GSE1: variants seen among roughly 807,000 people sequenced by gnomAD.
GSE1 encodes genetic suppressor element 1.
In GSE1, 32 loss-of-function variants were observed where a neutral mutation model predicts 112.6. That is an observed-to-expected ratio of 0.28 (90% confidence interval 0.21 to 0.38). GSE1 has a LOEUF of 0.38. Ranked by LOEUF, GSE1 falls within the 10% of genes least tolerant of loss-of-function variation. The pLI is 1.00. For missense variants in GSE1, 2,348 were observed against 1,699.2 expected (o/e 1.38, Z -6.71); for synonymous variants, 1,115 against 735.6 (o/e 1.52, Z -8.35).
intron 1 of GSE1, among the ~76,000 whole-genome samples, chr16:85,259,842 A>G (rs959675651): frequency 2.0e-5 from 3 of 152,154 alleles, no homozygotes; most frequent in Non-Finnish European, 4.4e-5. Context: ...CAGGGAGTCC[A>G]TGGGTGGCCT....
At chr16:85,604,493 G>A (rs569195833) in intron 1 of GSE1, among the ~76,000 whole-genome samples, 17 of 151,844 alleles carry the variant, frequency 1.1e-4, no homozygotes, top group South Asian at 2.1e-4. Flanking sequence ...GCGTGGACGC[G>A]AAGGTATGTT....
intron 2 of GSE1, among the ~76,000 whole-genome samples, chr16:85,547,154 G>A (rs1394432746): frequency 6.6e-6 from 1 of 152,228 alleles, no homozygotes; most frequent in Non-Finnish European, 1.5e-5. Context: ...CCCAAGGCAT[G>A]CGGCTTCCAG....
intron 6 of GSE1, 90 bp from the exon 7 acceptor site, chr16:85,656,253 C>T (rs573755444): frequency 1.5e-5 from 23 of 1,501,514 alleles, no homozygotes; most frequent in Middle Eastern, 1.8e-4. Flanking sequence ...CGCCCTGGCT[C>T]GTTCCTGGTT....
At chr16:85,200,468 A>T (rs1252232153) in intron 1 of GSE1, among the ~76,000 whole-genome samples, 1 of 151,946 alleles carries the variant, frequency 6.6e-6, no homozygotes, top group Non-Finnish European at 1.5e-5. Flanking sequence ...CCCCCACGTC[A>T]CACAGCTCTT....
chr16:85,446,233 G>T (rs529164047), intron 2 of GSE1, among the ~76,000 whole-genome samples: 50 of 152,204 alleles, frequency 3.3e-4, no homozygotes, highest in Non-Finnish European at 6.6e-4. Flanking sequence ...CAAGGCCTCT[G>T]CTGTGTCCTC....
At chr16:85,352,513 A>G (rs59113902) in intron 1 of GSE1, among the ~76,000 whole-genome samples, 4,874 of 152,198 alleles carry the variant, frequency 0.032, 231 homozygotes, top group African/African-American at 0.11. Flanking sequence ...GCCCAGGCAC[A>G]ATAGTACTTT....
At chr16:85,478,372 C>G (rs1392409933) in intron 2 of GSE1, among the ~76,000 whole-genome samples, 2 of 151,958 alleles carry the variant, frequency 1.3e-5, no homozygotes, top group Admixed American at 1.3e-4. Flanking sequence ...ACTAAAAATA[C>G]AAAAATTAGC....
intron 14 of GSE1, among the ~76,000 whole-genome samples, chr16:85,669,521 G>A (rs1294450689): frequency 1.3e-5 from 2 of 152,062 alleles, no homozygotes; most frequent in Non-Finnish European, 2.9e-5. Flanking sequence ...TCCTCCCGTG[G>A]AATCTTTGAG....
intron 1 of GSE1, among the ~76,000 whole-genome samples, chr16:85,571,320 C>T (rs1168033386): frequency 1.3e-5 from 2 of 152,224 alleles, no homozygotes; most frequent in Non-Finnish European, 2.9e-5. Context: ...AGATCCGTGG[C>T]TATCAGACCT....
At chr16:85,391,785 G>A (rs542003155) in intron 2 of GSE1, among the ~76,000 whole-genome samples, 2 of 152,162 alleles carry the variant, frequency 1.3e-5, no homozygotes, top group South Asian at 2.1e-4. Flanking sequence ...GTAGATGCTT[G>A]TGGGGCCTCA....
intron 11 of GSE1, 61 bp from the exon 12 acceptor site, chr16:85,664,954 T>C (rs1359750274): frequency 8.8e-7 from 1 of 1,131,100 alleles, no homozygotes; most frequent in Non-Finnish European, 1.3e-6. Context: ...AGAATCCCGC[T>C]GTCCTTCTCT....
intron 2 of GSE1, among the ~76,000 whole-genome samples, chr16:85,494,235 G>A (rs1457997328): frequency 6.6e-6 from 1 of 152,218 alleles, no homozygotes; most frequent in Admixed American, 6.5e-5. Flanking sequence ...AGGCTCTAGG[G>A]GAATAGTTTC....
At chr16:85,375,174 C>G (rs893451008) in intron 2 of GSE1, among the ~76,000 whole-genome samples, 1 of 152,128 alleles carries the variant, frequency 6.6e-6, no homozygotes, top group African/African-American at 2.4e-5. Context: ...TCAGGCTGTG[C>G]GAGCTGCCGG....
intron 1 of GSE1, among the ~76,000 whole-genome samples, chr16:85,250,202 G>A (rs1179581203): frequency 6.6e-6 from 1 of 152,216 alleles, no homozygotes; most frequent in Non-Finnish European, 1.5e-5. Context: ...GCCCACACCA[G>A]GGAGGGAGGC....
chr16:85,321,682 G>A (rs1567686632), intron 1 of GSE1, among the ~76,000 whole-genome samples: 2 of 151,892 alleles, frequency 1.3e-5, no homozygotes, highest in Non-Finnish European at 2.9e-5. Flanking sequence ...GGGTGTGGTG[G>A]TGTGCTCCTG....
At chr16:85,478,266 C>G (rs1449662403) in intron 2 of GSE1, among the ~76,000 whole-genome samples, 1 of 152,114 alleles carries the variant, frequency 6.6e-6, no homozygotes, top group African/African-American at 2.4e-5. Context: ...GTGGCTCATG[C>G]CTGTCATCGC....
intron 1 of GSE1, among the ~76,000 whole-genome samples, chr16:85,576,151 T>C (rs2046220415): frequency 6.6e-6 from 1 of 152,208 alleles, no homozygotes; most frequent in South Asian, 2.1e-4. Flanking sequence ...GAATTAGACA[T>C]TTAACCCTGG....
At chr16:85,240,029 G>C (rs575807973) in intron 1 of GSE1, among the ~76,000 whole-genome samples, 1 of 152,246 alleles carries the variant, frequency 6.6e-6, no homozygotes, top group Non-Finnish European at 1.5e-5. Context: ...TGGCTCAAGG[G>C]CCTAGAGTGA....
chr16:85,230,885 G>A (rs1225273302), intron 1 of GSE1, among the ~76,000 whole-genome samples: 2 of 151,522 alleles, frequency 1.3e-5, no homozygotes, highest in Non-Finnish European at 2.9e-5. Flanking sequence ...ACGGACAGAG[G>A]GATGGGTGGA....
Sources: gnomAD v4.1 joint callset for allele counts (sites outside exome capture counted in the v4.1 genomes callset) on GRCh38, gnomAD v4.1.1 for gene constraint, MANE v1.5 for transcripts, NCBI Gene and HGNC (gene_info 2026-07-23, HGNC 2026-07-21) for gene names.